The following CTIF variants were observed in gnomAD, a reference collection of about 807,000 sequenced individuals.
CTIF encodes the protein cap binding complex dependent translation initiation factor.
CTIF carries 21 observed loss-of-function variants against 66.0 expected under a neutral mutation model. The observed-to-expected ratio is 0.32, with a 90% CI of 0.23 to 0.46. The LOEUF (loss-of-function observed/expected upper bound fraction) is 0.46. Among genes scored for constraint, CTIF ranks in the 20% least tolerant of loss-of-function variants. CTIF has a pLI of 1.00. For synonymous variants in CTIF, 345 were observed against 326.4 expected (o/e 1.06, Z -0.62); for missense variants, 739 against 812.7 (o/e 0.91, Z 1.10).
chr18:48,731,658 C>T (rs1259821606), intron 7 of CTIF, among the ~76,000 whole-genome samples: 2 of 152,198 alleles, frequency 1.3e-5, no homozygotes, highest in African/African-American at 4.8e-5. Context: ...ATATAAACCA[C>T]TGAATAAAGA....
At chr18:48,545,416 G>A (rs547133895) in intron 1 of CTIF, among the ~76,000 whole-genome samples, 17 of 152,158 alleles carry the variant, frequency 1.1e-4, no homozygotes, top group Non-Finnish European at 2.2e-4. Flanking sequence ...CAGGTCATAG[G>A]GGGTGAGACC....
At chr18:48,846,740 T>G (rs1447467338) in intron 10 of CTIF, among the ~76,000 whole-genome samples, 2 of 150,926 alleles carry the variant, frequency 1.3e-5, no homozygotes, top group Non-Finnish European at 2.9e-5. Context: ...GATGGATGGA[T>G]GGATGAGTAG....
chr18:48,794,980 A>G (rs987032399), intron 9 of CTIF, among the ~76,000 whole-genome samples: 9 of 151,884 alleles, frequency 5.9e-5, no homozygotes, highest in African/African-American at 2.2e-4. Context: ...ATGACTATAG[A>G]CTCCACATTA....
At chr18:48,753,667 T>C (rs146928822) in intron 7 of CTIF, among the ~76,000 whole-genome samples, 53 of 152,344 alleles carry the variant, frequency 3.5e-4, no homozygotes, top group African/African-American at 1.2e-3. Flanking sequence ...ATATTAATCT[T>C]ATCTCCTGTG....
intron 6 of CTIF, among the ~76,000 whole-genome samples, chr18:48,680,025 G>A (rs976256508): frequency 2.0e-5 from 3 of 152,210 alleles, no homozygotes; most frequent in African/African-American, 7.2e-5. Context: ...ACCAAATAGG[G>A]ACTCAGCCGA....
intron 1 of CTIF, among the ~76,000 whole-genome samples, chr18:48,576,626 T>C (rs1233151155): frequency 6.6e-6 from 1 of 152,222 alleles, no homozygotes; most frequent in Non-Finnish European, 1.5e-5. Flanking sequence ...CGTAACCGTT[T>C]AATTGCTGAC....
intron 7 of CTIF, among the ~76,000 whole-genome samples, chr18:48,756,581 A>G (rs962482117): frequency 2.6e-5 from 4 of 152,244 alleles, no homozygotes; most frequent in African/African-American, 9.6e-5. Context: ...ATCTTTCTGC[A>G]AAATCTTTCC....
chr18:48,765,563 C>T (rs563842374), intron 9 of CTIF, among the ~76,000 whole-genome samples: 3 of 152,346 alleles, frequency 2.0e-5, no homozygotes, highest in South Asian at 2.1e-4. Context: ...GAGGGGCAAC[C>T]GCAGATGTGG....
At chr18:48,741,336 C>G (rs538138627) in intron 7 of CTIF, among the ~76,000 whole-genome samples, 1 of 149,318 alleles carries the variant, frequency 6.7e-6, no homozygotes, top group Non-Finnish European at 1.5e-5. Flanking sequence ...GCTTAAAATA[C>G]CCAGGTGCTA....
At chr18:48,713,298 G>C (rs938518978) in intron 7 of CTIF, among the ~76,000 whole-genome samples, 1 of 152,044 alleles carries the variant, frequency 6.6e-6, no homozygotes, top group African/African-American at 2.4e-5. Context: ...GAGAGTCCCC[G>C]AGCTTCCTGA....
chr18:48,576,221 T>C (rs1283326742), intron 1 of CTIF, among the ~76,000 whole-genome samples: 1 of 152,222 alleles, frequency 6.6e-6, no homozygotes, highest in African/African-American at 2.4e-5. Context: ...CTTTGGAAGA[T>C]CAAATATGTG....
At chr18:48,729,499 C>T (rs2092417917) in intron 7 of CTIF, among the ~76,000 whole-genome samples, 1 of 152,194 alleles carries the variant, frequency 6.6e-6, no homozygotes, top group Non-Finnish European at 1.5e-5. Context: ...CTCACAGCAG[C>T]CGCCAGTGGT....
At chr18:48,677,289 G>A (rs2091647185) in intron 6 of CTIF, among the ~76,000 whole-genome samples, 1 of 152,190 alleles carries the variant, frequency 6.6e-6, no homozygotes, top group South Asian at 2.1e-4. Flanking sequence ...CCACGGAGGT[G>A]AGGTCTGACC....
At chr18:48,585,548 G>A (rs1424984391) in intron 1 of CTIF, among the ~76,000 whole-genome samples, 1 of 152,178 alleles carries the variant, frequency 6.6e-6, no homozygotes, top group Non-Finnish European at 1.5e-5. Context: ...ACACACTGGG[G>A]GTGACCTGCT....
intron 9 of CTIF, among the ~76,000 whole-genome samples, chr18:48,766,933 T>TCTCCCGCTGCC (rs1599005284): frequency 1.4e-5 from 1 of 70,768 alleles, no homozygotes; most frequent in African/African-American, 3.7e-5. Flanking sequence ...CATTTTCCTT[T>TCTCCCGCTGCC]TCCTTGGCCT....
At chr18:48,730,658 T>TG (rs1568172156) in intron 7 of CTIF, among the ~76,000 whole-genome samples, 1 of 43,328 alleles carries the variant, frequency 2.3e-5, no homozygotes, top group Non-Finnish European at 4.0e-5. Flanking sequence ...GAGGGGCTTC[T>TG]GCGGTGTGAG....
At chr18:48,706,486 C>T (rs1345148896) in intron 6 of CTIF, among the ~76,000 whole-genome samples, 1 of 152,156 alleles carries the variant, frequency 6.6e-6, no homozygotes, top group East Asian at 1.9e-4. Flanking sequence ...CCCATCCCCT[C>T]ACCCCCAGAT....
chr18:48,712,190 C>A (rs1368889590), intron 7 of CTIF, among the ~76,000 whole-genome samples: 1 of 152,136 alleles, frequency 6.6e-6, no homozygotes, highest in East Asian at 1.9e-4. Flanking sequence ...ACACACAGAT[C>A]AGCAATGGCA....
intron 6 of CTIF, among the ~76,000 whole-genome samples, chr18:48,702,764 T>C (rs2092100683): frequency 6.6e-6 from 1 of 152,184 alleles, no homozygotes; most frequent in Non-Finnish European, 1.5e-5. Flanking sequence ...CCCCCGACTT[T>C]CCTTTCTGAA....
Sources: gnomAD v4.1 joint callset for allele counts (sites outside exome capture counted in the v4.1 genomes callset) on GRCh38, gnomAD v4.1.1 for gene constraint, MANE v1.5 for transcripts, NCBI Gene and HGNC (gene_info 2026-07-23, HGNC 2026-07-21) for gene names.